Variants in DNAJC1 observed in about 807,000 individuals in gnomAD.
DNAJC1 encodes the protein DnaJ heat shock protein family (Hsp40) member C1, also known as dnaJ homolog subfamily C member 1.
In DNAJC1, 58 loss-of-function variants were observed where a neutral mutation model predicts 76.6. The observed-to-expected ratio is 0.76, with a 90% confidence interval of 0.61 to 0.94. DNAJC1 has a LOEUF of 0.94. Ranked by LOEUF, DNAJC1 falls within the 40% of genes least tolerant of loss-of-function variation. DNAJC1 has a pLI of 0.00. For synonymous variants in DNAJC1, 258 were observed against 267.9 expected, an observed-to-expected ratio of 0.96 and a Z score of 0.36; for missense variants, 689 against 677.3, an observed-to-expected ratio of 1.02 and a Z score of -0.19.
chr10:21,850,990 C>T (rs1458071203), intron 8 of DNAJC1, among the ~76,000 whole-genome samples: 1 of 152,140 alleles, frequency 6.6e-6, no homozygotes, highest in Admixed American at 6.6e-5. Flanking sequence ...CCATAACTCA[C>T]ACCACAAATA....
At chr10:21,871,027 C>T (rs1395017760) in intron 8 of DNAJC1, among the ~76,000 whole-genome samples, 1 of 152,006 alleles carries the variant, frequency 6.6e-6, no homozygotes, top group Non-Finnish European at 1.5e-5. Context: ...CCCTGGAAGA[C>T]AGGTTTAAAA....
intron 8 of DNAJC1, among the ~76,000 whole-genome samples, chr10:21,860,275 GT>G (rs750182102): frequency 2.6e-5 from 4 of 151,602 alleles, no homozygotes; most frequent in Non-Finnish European, 4.4e-5. Flanking sequence ...TTTATAAAAT[GT>G]TTTTTACCAC....
chr10:21,988,547 C>T (rs1838282461), intron 1 of DNAJC1, among the ~76,000 whole-genome samples: 1 of 152,072 alleles, frequency 6.6e-6, no homozygotes, highest in Non-Finnish European at 1.5e-5. Context: ...ACTCTATAAA[C>T]TGCTTAAAGC....
intron 8 of DNAJC1, among the ~76,000 whole-genome samples, chr10:21,878,024 C>G (rs1836216379): frequency 6.6e-6 from 1 of 152,196 alleles, no homozygotes; most frequent in African/African-American, 2.4e-5. Context: ...ACGTTGTTGT[C>G]TGTCTGAAAT....
At chr10:21,856,521 G>A (rs1243737821) in intron 8 of DNAJC1, among the ~76,000 whole-genome samples, 1 of 152,002 alleles carries the variant, frequency 6.6e-6, no homozygotes, top group Non-Finnish European at 1.5e-5. Flanking sequence ...TTGATAGCTT[G>A]AAATCAGCCA....
At chr10:21,955,436 A>T (rs1297538837) in intron 1 of DNAJC1, among the ~76,000 whole-genome samples, 1 of 152,172 alleles carries the variant, frequency 6.6e-6, no homozygotes, top group Non-Finnish European at 1.5e-5. Flanking sequence ...TTTTTAAAGT[A>T]TTACCTCTGA....
intron 9 of DNAJC1, among the ~76,000 whole-genome samples, chr10:21,790,974 C>A (rs912292971): frequency 6.6e-6 from 1 of 151,812 alleles, no homozygotes; most frequent in African/African-American, 2.4e-5. Context: ...CTATATGCTA[C>A]GTATAAGAAA....
chr10:21,823,872 C>T (rs551621481), intron 8 of DNAJC1, among the ~76,000 whole-genome samples: 80 of 152,144 alleles, frequency 5.3e-4, no homozygotes, highest in African/African-American at 1.8e-3. Flanking sequence ...TTAATATAAA[C>T]TATATCAGTC....
chr10:21,776,559 C>T (rs1834456000), intron 9 of DNAJC1, among the ~76,000 whole-genome samples: 1 of 152,174 alleles, frequency 6.6e-6, no homozygotes, highest in Non-Finnish European at 1.5e-5. Flanking sequence ...GTTACCTGAA[C>T]ATTAAATAAA....
At chr10:21,946,376 G>A (rs890335266) in intron 1 of DNAJC1, among the ~76,000 whole-genome samples, 9 of 151,906 alleles carry the variant, frequency 5.9e-5, no homozygotes, top group Admixed American at 3.3e-4. Flanking sequence ...TATATAAAAA[G>A]TATTCAATTT....
In DNAJC1 at chr10:21,842,254, T is replaced by TA. The variant is rs200343722; in HGVS notation, c.979-36156dup. ...CTAAAACTTAAAGTATAATAAGAAT[T>TA]AAAAAAAAAAAACCTCATGTGAGAG... On this transcript the variant is annotated intron_variant, in intron 8 of 11. Transcript: ENST00000376980. Among the ~76,000 whole-genome samples the TA allele has an allele frequency of 9.6e-3, 1,349 of 140,330 alleles. 5 individuals carry two copies. The highest frequency in any genetic ancestry group is 0.025 in the African/African-American group (946 of 38,478). The allele number at this position is 140,330 out of a possible 152,430, so 92.1% of individuals were successfully genotyped here. A position where few individuals can be genotyped will look rare whatever the true frequency, so the allele number is the denominator to read the frequency against.
intron 9 of DNAJC1, among the ~76,000 whole-genome samples, chr10:21,784,728 G>T (rs1834582801): frequency 6.6e-6 from 1 of 152,142 alleles, no homozygotes; most frequent in African/African-American, 2.4e-5. Flanking sequence ...TCATAAAAAA[G>T]GATGAGTTCA....
intron 7 of DNAJC1, among the ~76,000 whole-genome samples, chr10:21,903,045 A>G (rs1378871112): frequency 6.6e-6 from 1 of 152,024 alleles, no homozygotes; most frequent in East Asian, 1.9e-4. Flanking sequence ...CTCCTGCCTC[A>G]GCTCCCAAGT....
At chr10:21,910,809 G>A (rs1228426635) in intron 6 of DNAJC1, among the ~76,000 whole-genome samples, 1 of 118,938 alleles carries the variant, frequency 8.4e-6, no homozygotes, top group Non-Finnish European at 1.6e-5. Context: ...CCCAGAACAA[G>A]AAAAGAAAGG....
intron 3 of DNAJC1, among the ~76,000 whole-genome samples, chr10:21,922,241 C>A (rs1257345033): frequency 1.3e-5 from 2 of 151,764 alleles, no homozygotes; most frequent in African/African-American, 2.4e-5. Context: ...TAAATTGATA[C>A]CTTGGAGATA....
chr10:21,931,417 A>T (rs750129693), intron 1 of DNAJC1, among the ~76,000 whole-genome samples: 6 of 152,224 alleles, frequency 3.9e-5, no homozygotes, highest in Non-Finnish European at 8.8e-5. Context: ...GAAAAACATG[A>T]AGATTTTCTT....
chr10:21,888,402 T>TATATACTCAGA (rs1287612170), intron 7 of DNAJC1, among the ~76,000 whole-genome samples: 2 of 151,948 alleles, frequency 1.3e-5, no homozygotes, highest in African/African-American at 4.8e-5. Context: ...CTCAGAGGAG[T>TATATACTCAGA]GTAAATCATT....
chr10:21,766,802 T>A lies in DNAJC1; in HGVS notation c.1099-493A>T, dbSNP rs114979970. 3.6e-3 allele frequency among the ~76,000 whole-genome samples: 553 copies of A among 151,834 alleles called. 5 individuals are homozygous for A. The highest frequency in any genetic ancestry group is 0.013 in the African/African-American group (521 of 41,432). On this transcript the variant is annotated intron_variant, in intron 9 of 11. Coordinates refer to ENST00000376980, the MANE Select transcript of DNAJC1 (RefSeq NM_022365.4). ...CCTGTCCAACATGGGGAAACCCCGT[T>A]TCTATGAAAATACAAAAAGTAGCTG... is the stretch of plus-strand genomic sequence containing the variant.
chr10:21,966,968 G>A (rs1294779750), intron 1 of DNAJC1, among the ~76,000 whole-genome samples: 1 of 149,762 alleles, frequency 6.7e-6, no homozygotes, highest in Admixed American at 6.6e-5. Context: ...ATTATAGGTT[G>A]TGAGCCACTG....
Sources: gnomAD v4.1 joint callset for allele counts (sites outside exome capture counted in the v4.1 genomes callset) on GRCh38, gnomAD v4.1.1 for gene constraint, MANE v1.5 for transcripts, NCBI Gene and HGNC (gene_info 2026-07-23, HGNC 2026-07-21) for gene names.